The following UNC13C variants were observed in gnomAD, a reference collection of about 807,000 sequenced individuals.
UNC13C encodes the protein protein unc-13 homolog C.
UNC13C carries 174 observed loss-of-function variants against 245.4 expected under a neutral mutation model. That is an observed-to-expected ratio of 0.71 (90% CI 0.63 to 0.80). The LOEUF (loss-of-function observed/expected upper bound fraction) is 0.80. Ranked by LOEUF, UNC13C falls within the 30% of genes least tolerant of loss-of-function variation. The pLI is 0.00. For missense variants in UNC13C, 2,829 were observed against 2,602.9 expected, an observed-to-expected ratio of 1.09 and a Z score of -1.89; for synonymous variants, 992 against 895.1, an observed-to-expected ratio of 1.11 and a Z score of -1.93.
At chr15:54,440,979 G>A (rs1286737686) in intron 19 of UNC13C, among the ~76,000 whole-genome samples, 1 of 151,842 alleles carries the variant, frequency 6.6e-6, no homozygotes, top group Admixed American at 6.6e-5. Context: ...GTCTATTCAT[G>A]TCATTTGACT....
At chr15:54,439,109 T>C (rs1890379091) in intron 19 of UNC13C, among the ~76,000 whole-genome samples, 1 of 151,946 alleles carries the variant, frequency 6.6e-6, no homozygotes, top group Non-Finnish European at 1.5e-5. Context: ...TCAAATTACC[T>C]ATGTTCTGCT....
At chr15:54,207,106 TTGATGA>T (rs948287087) in intron 4 of UNC13C, among the ~76,000 whole-genome samples, 28 of 149,744 alleles carry the variant, frequency 1.9e-4, no homozygotes, top group Non-Finnish European at 3.6e-4. Context: ...TGGCACTTTA[TTGATGA>T]TGATGATGAT....
chr15:53,837,750 A>G, the UNC13C span, among the ~76,000 whole-genome samples: 1 of 152,194 alleles, frequency 6.6e-6, no homozygotes, highest in Admixed American at 6.5e-5. Flanking sequence ...AGTATGAGAT[A>G]GGAATCCCAT....
At chr15:54,467,376 A>G (rs1189317580) in intron 19 of UNC13C, among the ~76,000 whole-genome samples, 5 of 151,770 alleles carry the variant, frequency 3.3e-5, no homozygotes, top group Non-Finnish European at 1.5e-5. Flanking sequence ...TAACTAGAGG[A>G]CAGAGATGAC....
In UNC13C at chr15:54,391,026, G is replaced by A. The variant is rs546693729; in HGVS notation, c.4714-2022G>A. ...AGTAATCTTCTGGTGTCATAAAAAAGAGTGATGGAAGTACAATTTGCGACA... is the reference window on the plus strand; with the variant it reads ...AGTAATCTTCTGGTGTCATAAAAAAAAGTGATGGAAGTACAATTTGCGACA... On this transcript the variant is annotated intron_variant, in intron 17 of 32. Transcript: ENST00000260323. Among the ~76,000 whole-genome samples, 12 of 152,218 alleles carry A rather than the reference G, an allele frequency of 7.9e-5. 4 individuals carry two copies. Among genetic ancestry groups the A allele is most frequent in the African/African-American group, 2.9e-4 (12 of 41,552 alleles).
intron 19 of UNC13C, among the ~76,000 whole-genome samples, chr15:54,442,546 C>T (rs137919238): frequency 6.6e-6 from 1 of 152,128 alleles, no homozygotes; most frequent in African/African-American, 2.4e-5. Context: ...GAAAGGCTTT[C>T]AGACTTCCTC....
chr15:54,043,519 T>G (rs78725789), intron 2 of UNC13C, among the ~76,000 whole-genome samples: 6,497 of 152,276 alleles, frequency 0.043, 470 homozygotes, highest in African/African-American at 0.15. Context: ...AGCAAGTTTG[T>G]GCTTTTTTCC....
At position 54,555,479 on chromosome 15, in the gene UNC13C, C is replaced by T. The variant is rs11639005; in HGVS notation, c.5925C>T (p.Cys1975=). The T allele has an allele frequency of 0.44, 703,048 of 1,609,346 alleles. 158,786 individuals are homozygous for T. The highest frequency in any genetic ancestry group is 0.58 in the East Asian group (25,773 of 44,638). ...EDARGLTPRQ[C]AIMEVVLATI... ...CCAGGGGTCTGACGCCAAGACAATGCGCTATAATGGAGGTAGTCCTGGCTA... is the reference window on the plus strand; with the variant it reads ...CCAGGGGTCTGACGCCAAGACAATGTGCTATAATGGAGGTAGTCCTGGCTA... The change falls in exon 29 of 33, where the codon TGC becomes TGT. Residue 1975 remains cysteine, a synonymous_variant. Coordinates refer to ENST00000260323, the MANE Select transcript of UNC13C (RefSeq NM_001080534.3).
the UNC13C span, among the ~76,000 whole-genome samples, chr15:53,951,052 T>C: frequency 6.6e-6 from 1 of 152,234 alleles, no homozygotes; most frequent in East Asian, 1.9e-4. Flanking sequence ...AGATATTTCT[T>C]AAACTGTAAA....
At chr15:54,301,837 A>G (rs530867601) in intron 13 of UNC13C, among the ~76,000 whole-genome samples, 1 of 152,228 alleles carries the variant, frequency 6.6e-6, no homozygotes, top group East Asian at 1.9e-4. Context: ...TGGTATTTCT[A>G]GTTCTAGATC....
chr15:54,431,529 T>A (rs1037448313), intron 19 of UNC13C, among the ~76,000 whole-genome samples: 1 of 151,756 alleles, frequency 6.6e-6, no homozygotes, highest in Non-Finnish European at 1.5e-5. Context: ...CAAATATTTT[T>A]ATTGTTTCAC....
chr15:54,079,678 G>T (rs1219434612), intron 2 of UNC13C, among the ~76,000 whole-genome samples: 1 of 151,986 alleles, frequency 6.6e-6, no homozygotes, highest in African/African-American at 2.4e-5. Flanking sequence ...GAAAACTGCT[G>T]AAGTTCTTTA....
chr15:53,990,192 C>G (rs1370921830), intron 1 of UNC13C, among the ~76,000 whole-genome samples: 1 of 152,020 alleles, frequency 6.6e-6, no homozygotes, highest in East Asian at 1.9e-4. Flanking sequence ...TCTTAAAGGA[C>G]TTTAAAAAAT....
intron 7 of UNC13C, among the ~76,000 whole-genome samples, chr15:54,240,900 C>A (rs988963648): frequency 6.6e-6 from 1 of 152,100 alleles, no homozygotes; most frequent in Non-Finnish European, 1.5e-5. Context: ...TATATCCATT[C>A]GGTAATTCAA....
At chr15:54,362,777 A>T (rs149510746) in intron 17 of UNC13C, among the ~76,000 whole-genome samples, 6 of 152,270 alleles carry the variant, frequency 3.9e-5, no homozygotes, top group Non-Finnish European at 7.4e-5. Context: ...AAATAAAGGG[A>T]AAGTTAAAAT....
chr15:54,512,782 C>A (rs16974701), intron 24 of UNC13C, among the ~76,000 whole-genome samples: 45 of 152,090 alleles, frequency 3.0e-4, no homozygotes, highest in African/African-American at 1.1e-3. Flanking sequence ...GTAAATATCC[C>A]TTTTATTTCT....
chr15:54,416,064 G>C (rs2140952175), intron 19 of UNC13C, among the ~76,000 whole-genome samples: 1 of 152,308 alleles, frequency 6.6e-6, no homozygotes, highest in South Asian at 2.1e-4. Context: ...GATCAAGAAA[G>C]AGGTAGCAAG....
At chr15:54,039,066 C>T (rs532211567) in intron 2 of UNC13C, among the ~76,000 whole-genome samples, 96 of 152,272 alleles carry the variant, frequency 6.3e-4, no homozygotes, top group African/African-American at 1.9e-3. Context: ...TTTATAATTG[C>T]TATAGCAACA....
At position 54,626,921 on chromosome 15, in the gene UNC13C, G is replaced by A; in HGVS notation, c.6453G>A (p.Met2151Ile). 6.2e-7 allele frequency: 1 copy of A among 1,613,410 alleles called. No homozygotes were observed. Among genetic ancestry groups the A allele is most frequent in the Non-Finnish European group, 8.5e-7 (1 of 1,179,590 alleles). ...CCAGAGAAGATCGAATTATCGGAAT[G>A]ACAGTCATTCAGCTACAGAACATAG... ...CFAREDRIIG[M>I]TVIQLQNIAE... The change falls in exon 33 of 33, where the codon ATG becomes ATA. Residue 2151 changes from methionine (M) to isoleucine (I), a missense_variant. Coordinates refer to ENST00000260323, the MANE Select transcript of UNC13C (RefSeq NM_001080534.3).
Sources: allele counts gnomAD v4.1 joint callset (sites outside exome capture counted in the v4.1 genomes callset), GRCh38; gene constraint gnomAD v4.1.1; transcripts MANE v1.5; gene names NCBI Gene and HGNC (gene_info 2026-07-23, HGNC 2026-07-21).